MTHFD2L: variants seen among roughly 807,000 people sequenced by gnomAD.
MTHFD2L encodes the protein methylenetetrahydrofolate dehydrogenase (NADP+ dependent) 2 like.
A neutral mutation model predicts 34.9 loss-of-function variants in MTHFD2L; 29 were observed. The ratio of observed to expected loss-of-function variants is 0.83; its 90% CI spans 0.62 to 1.13. The LOEUF is 1.13. MTHFD2L is among the 50% of genes most tolerant of loss of function. MTHFD2L has a pLI of 0.00. For missense variants in MTHFD2L, 481 were observed against 446.5 expected, an observed-to-expected ratio of 1.08 and a Z score of -0.70; for synonymous variants, 167 against 155.7, an observed-to-expected ratio of 1.07 and a Z score of -0.54.
chr4:74,185,688 A>G (rs936314817), intron 3 of MTHFD2L, among the ~76,000 whole-genome samples: 1 of 152,188 alleles, frequency 6.6e-6, no homozygotes, highest in Non-Finnish European at 1.5e-5. Context: ...GAAATGGACA[A>G]CTTCCTTGAA....
chr4:74,239,920 C>G (rs561429305), intron 6 of MTHFD2L, among the ~76,000 whole-genome samples: 4 of 152,126 alleles, frequency 2.6e-5, no homozygotes, highest in African/African-American at 4.8e-5. Flanking sequence ...CATACACTCC[C>G]AAATCCACAT....
rs1289017941 is a variant in MTHFD2L, at chr4:74,219,424, T to A, written c.713-5878T>A. On this transcript the variant is annotated intron_variant, in intron 5 of 7. Coordinates refer to ENST00000325278, the MANE Select transcript of MTHFD2L (RefSeq NM_001144978.3). Reference sequence around the variant, plus strand: ...GTCATCTGAAGGTCAGAGATATGCATCACTCTTGAGTACCTGCTGCGACTT... The same window carrying A: ...GTCATCTGAAGGTCAGAGATATGCAACACTCTTGAGTACCTGCTGCGACTT... 2.0e-5 allele frequency among the ~76,000 whole-genome samples: 3 copies of A among 152,206 alleles called. No homozygotes were observed. In the East Asian group the frequency reaches 5.8e-4, roughly 29 times the overall value.
At chr4:74,156,856 G>A (rs1380107687), upstream of MTHFD2L, 1 of 151,864 alleles carries the variant, frequency 6.6e-6, no homozygotes, top group Non-Finnish European at 1.5e-5. Flanking sequence ...GCCTTTTTTG[G>A]TGGGTGTTTT....
At chr4:74,199,606 A>T (rs1313351672) in intron 3 of MTHFD2L, among the ~76,000 whole-genome samples, 188 bp from the exon 4 acceptor site, 1 of 152,038 alleles carries the variant, frequency 6.6e-6, no homozygotes, top group East Asian at 1.9e-4. Flanking sequence ...AGTTCATTAC[A>T]GCCATCAGTC....
At chr4:74,258,324 A>G (rs1340830099) in intron 6 of MTHFD2L, among the ~76,000 whole-genome samples, 1 of 152,204 alleles carries the variant, frequency 6.6e-6, no homozygotes, top group Non-Finnish European at 1.5e-5. Flanking sequence ...TATGGAATCA[A>G]CTTAGGCATT....
At chr4:74,117,331 G>A (rs1225185690) in intron 2 of MTHFD2L, among the ~76,000 whole-genome samples, 1 of 152,200 alleles carries the variant, frequency 6.6e-6, no homozygotes, top group Non-Finnish European at 1.5e-5. Flanking sequence ...TGTTTACTAT[G>A]TGTGAGGTTC....
intron 5 of MTHFD2L, among the ~76,000 whole-genome samples, chr4:74,215,013 C>T (rs1274167665): frequency 6.6e-6 from 1 of 151,770 alleles, no homozygotes; most frequent in Non-Finnish European, 1.5e-5. Context: ...AAACTGCCTA[C>T]TCAAGCCTCA....
chr4:74,116,826 C>T (rs1721662371), intron 2 of MTHFD2L, among the ~76,000 whole-genome samples: 1 of 152,200 alleles, frequency 6.6e-6, no homozygotes, highest in African/African-American at 2.4e-5. Context: ...TTCCTTGACA[C>T]TAAAGTGGTA....
chr4:74,143,869 G>C (rs1254480587), intron 1 of MTHFD2L, among the ~76,000 whole-genome samples: 1 of 152,126 alleles, frequency 6.6e-6, no homozygotes, highest in East Asian at 1.9e-4. Context: ...ACATTTATAT[G>C]AATATATTTT....
At chr4:74,154,452 ATATT>A (rs1358909980), upstream of MTHFD2L, among the ~76,000 whole-genome samples, 1 of 151,960 alleles carries the variant, frequency 6.6e-6, no homozygotes. Context: ...CTTCTCTCCC[ATATT>A]TATTTATTTA....
intron 2 of MTHFD2L, among the ~76,000 whole-genome samples, chr4:74,116,276 A>G (rs1376192064): frequency 6.6e-6 from 1 of 152,174 alleles, no homozygotes; most frequent in Non-Finnish European, 1.5e-5. Context: ...TAAAAACAGA[A>G]CCATTCATAA....
intron 6 of MTHFD2L, among the ~76,000 whole-genome samples, chr4:74,277,422 C>CA (rs969959422): frequency 6.6e-6 from 1 of 151,948 alleles, no homozygotes; most frequent in African/African-American, 2.4e-5. Flanking sequence ...CAAGATGCCC[C>CA]ATTGTAGTTA....
intron 2 of MTHFD2L, among the ~76,000 whole-genome samples, chr4:74,117,098 AGGGATTTTAAAGGG>A (rs1417559182): frequency 6.6e-6 from 1 of 152,236 alleles, no homozygotes; most frequent in Non-Finnish European, 1.5e-5. Context: ...GCTTGGAGAA[AGGGATTTTAAAGGG>A]AGATTCTGAA....
At chr4:74,231,324 G>A (rs1397198527) in intron 6 of MTHFD2L, among the ~76,000 whole-genome samples, 1 of 151,956 alleles carries the variant, frequency 6.6e-6, no homozygotes, top group Non-Finnish European at 1.5e-5. Flanking sequence ...CTTGAAACAG[G>A]GTTCGTAATT....
rs530690205 is a variant in MTHFD2L at position 74,165,443 on chromosome 4, C to T, written c.143+7162C>T. On this transcript the variant is annotated intron_variant, in intron 1 of 7. Coordinates refer to ENST00000325278, the MANE Select transcript of MTHFD2L (RefSeq NM_001144978.3). ...TGTGATCTTGGCTCACTGCAACCTC[C>T]GCCTCCTGGGTTCAAGTGATTCTCC... Among the ~76,000 whole-genome samples, 915 of 152,228 alleles carry T rather than the reference C, an allele frequency of 6.0e-3. 10 individuals are homozygous for T. The highest frequency in any genetic ancestry group is 0.021 in the African/African-American group (868 of 41,520).
chr4:74,257,989 C>T (rs1409281245), intron 6 of MTHFD2L, among the ~76,000 whole-genome samples: 3 of 151,590 alleles, frequency 2.0e-5, no homozygotes, highest in Non-Finnish European at 4.4e-5. Flanking sequence ...TGAAAAAGCT[C>T]GACATCAGTA....
intron 3 of MTHFD2L, among the ~76,000 whole-genome samples, chr4:74,186,177 T>C (rs1731201794): frequency 6.6e-6 from 1 of 152,062 alleles, no homozygotes. Context: ...AATTTCATCA[T>C]TAATTCCTGA....
At chr4:74,249,610 A>G (rs972658675) in intron 6 of MTHFD2L, among the ~76,000 whole-genome samples, 2 of 152,126 alleles carry the variant, frequency 1.3e-5, no homozygotes, top group Non-Finnish European at 2.9e-5. Context: ...ATTTTGCAGC[A>G]GTTGGTACCT....
At chr4:74,120,412 A>G (rs975733978), upstream of MTHFD2L, among the ~76,000 whole-genome samples, 4 of 152,236 alleles carry the variant, frequency 2.6e-5, no homozygotes, top group African/African-American at 4.8e-5. Context: ...TTTGTTGCCA[A>G]CTAATACCAT....
Sources: gnomAD v4.1 joint callset for allele counts (sites outside exome capture counted in the v4.1 genomes callset) on GRCh38, gnomAD v4.1.1 for gene constraint, MANE v1.5 for transcripts, NCBI Gene and HGNC (gene_info 2026-07-23, HGNC 2026-07-21) for gene names.